RP1: variants seen among roughly 807,000 people sequenced by gnomAD.
RP1 encodes oxygen-regulated protein 1.
In RP1, 16 loss-of-function variants were observed where a neutral mutation model predicts 14.8. That is an observed-to-expected ratio of 1.08 (90% CI 0.73 to 1.65). The LOEUF is 1.65. Ranked by LOEUF, RP1 falls within the 40% of genes most tolerant of loss-of-function variation. The pLI, the probability that RP1 is intolerant of heterozygous loss-of-function variation, is 0.00. For synonymous variants in RP1, 876 were observed against 883.6 expected, an observed-to-expected ratio of 0.99 and a Z score of 0.15; for missense variants, 2,631 against 2,535.0, an observed-to-expected ratio of 1.04 and a Z score of -0.81.
chr8:54,748,859 T>C (rs2129363312), intron 19 of RP1, among the ~76,000 whole-genome samples: 1 of 152,310 alleles, frequency 6.6e-6, no homozygotes, highest in Non-Finnish European at 1.5e-5. Flanking sequence ...TTTTGTTTTA[T>C]AGAACAAAGG....
intron 22 of RP1, among the ~76,000 whole-genome samples, chr8:54,766,002 A>AGGAAGGAAG (rs1357520623): frequency 3.3e-5 from 5 of 152,124 alleles, no homozygotes; most frequent in Admixed American, 2.0e-4. Flanking sequence ...GAATGGGGAA[A>AGGAAGGAAG]GGAAGGAAGG....
chr8:54,587,442 A>AG (rs1554516913), intron 1 of RP1, among the ~76,000 whole-genome samples: 12 of 151,316 alleles, frequency 7.9e-5, no homozygotes, highest in South Asian at 2.1e-4. Context: ...AAAAAAAAAA[A>AG]AGAGAGAGAG....
Position 54,630,212 on chromosome 8 carries a change from A to G in RP1, c.6330A>G (p.Gln2110=), listed in dbSNP as rs2129318660. 1.2e-6 allele frequency: 2 copies of G among 1,613,726 alleles called. No homozygotes were observed. Among genetic ancestry groups the G allele is most frequent in the East Asian group, 4.5e-5 (2 of 44,834 alleles). Reference sequence around the variant, plus strand: ...AAGCTTGCCTCTTAGATATTTGCCAAGTTGAGACCTCCTTAAATATTAGCA... The same window carrying G: ...AAGCTTGCCTCTTAGATATTTGCCAGGTTGAGACCTCCTTAAATATTAGCA... ...LGQACLLDIC[Q]VETSLNISNR... The change falls in exon 4 of 4, where the codon CAA becomes CAG. Residue 2110 remains glutamine, a synonymous_variant. Coordinates refer to ENST00000220676, the MANE Select transcript of RP1 (RefSeq NM_006269.2).
intron 25 of RP1, among the ~76,000 whole-genome samples, chr8:54,839,380 C>T (rs1030829177): frequency 2.0e-5 from 3 of 152,216 alleles, no homozygotes; most frequent in East Asian, 3.9e-4. Context: ...AAACACATGC[C>T]TACAAACAGG....
intron 1 of RP1, among the ~76,000 whole-genome samples, chr8:54,561,278 C>G (rs1337252349): frequency 4.6e-5 from 7 of 152,078 alleles, no homozygotes; most frequent in Non-Finnish European, 1.5e-5. Context: ...AAAAATATAC[C>G]ATGAAATCAT....
intron 22 of RP1, among the ~76,000 whole-genome samples, chr8:54,765,331 A>G (rs1440013801): frequency 6.6e-6 from 1 of 152,256 alleles, no homozygotes; most frequent in African/African-American, 2.4e-5. Context: ...GTACTCAGAA[A>G]GTGTGTGCTA....
chr8:54,622,328 T>TGAGATTTTTTTTGCCTC, intron 3 of RP1, 40 bp downstream of exon 3: 1 of 1,604,898 alleles, frequency 6.2e-7, no homozygotes, highest in African/African-American at 1.3e-5. Context: ...TTTTTAGCCC[T>TGAGATTTTTTTTGCCTC]GAGATTTTTT....
At chr8:54,562,622 C>T (rs926608138) in intron 1 of RP1, among the ~76,000 whole-genome samples, 4 of 151,596 alleles carry the variant, frequency 2.6e-5, no homozygotes, top group South Asian at 2.1e-4. Context: ...TGCAGTGAAC[C>T]GAGATGGTGC....
intron 19 of RP1, among the ~76,000 whole-genome samples, chr8:54,752,257 T>C (rs1809390431): frequency 6.6e-6 from 1 of 152,150 alleles, no homozygotes; most frequent in East Asian, 1.9e-4. Context: ...TTGAAATAAA[T>C]GTGAGCTATA....
intron 24 of RP1, among the ~76,000 whole-genome samples, chr8:54,831,948 A>G (rs1811540138): frequency 1.3e-5 from 2 of 151,766 alleles, no homozygotes; most frequent in Admixed American, 1.3e-4. Context: ...GACAATGTTC[A>G]TTTGTTCTTA....
chr8:54,814,638 C>T (rs558618901), intron 24 of RP1, among the ~76,000 whole-genome samples: 75 of 152,310 alleles, frequency 4.9e-4, no homozygotes, highest in African/African-American at 1.8e-3. Flanking sequence ...TCAAAGCTCT[C>T]TCTCAGGTGT....
At chr8:54,810,826 G>C (rs150987160) in intron 24 of RP1, among the ~76,000 whole-genome samples, 179 of 152,260 alleles carry the variant, frequency 1.2e-3, no homozygotes, top group African/African-American at 4.1e-3. Context: ...GGCATAAAAG[G>C]TGGCACCATT....
intron 12 of RP1, chr8:54,697,091 G>A (rs1377252328): frequency 2.5e-6 from 4 of 1,570,714 alleles, no homozygotes; most frequent in Non-Finnish European, 3.5e-6. Flanking sequence ...GGGCACACCT[G>A]GCTATCGGGG....
upstream of RP1, among the ~76,000 whole-genome samples, chr8:54,614,111 G>A (rs183522670): frequency 1.1e-3 from 161 of 152,350 alleles, 2 homozygotes; most frequent in Middle Eastern, 3.4e-3. Flanking sequence ...GGCCAGGGAA[G>A]TAGACAGAGG....
In RP1 at chr8:54,641,513, T is replaced by C. The variant is rs139369982; in HGVS notation, c.788-7472T>C. ...TTAATTAATTAGCTTCTCAACTTTT[T>C]TTTCTGTTATTGCCTCCTGCTAATG... is the stretch of plus-strand genomic sequence containing the variant. On this transcript the variant is annotated intron_variant, in intron 3 of 22. Transcript: ENST00000636932. 2.4e-4 allele frequency among the ~76,000 whole-genome samples: 37 copies of C among 152,284 alleles called. 1 individual carries two copies. The East Asian group carries it at 6.6e-3, about 27-fold the overall frequency.
chr8:54,723,594 T>G (rs2129351678), intron 16 of RP1, among the ~76,000 whole-genome samples: 1 of 152,332 alleles, frequency 6.6e-6, no homozygotes, highest in South Asian at 2.1e-4. Flanking sequence ...CCCCTTGGGC[T>G]TATGTGATTA....
chr8:54,646,853 A>G (rs1179642051), intron 3 of RP1, among the ~76,000 whole-genome samples: 1 of 152,178 alleles, frequency 6.6e-6, no homozygotes, highest in Admixed American at 6.5e-5. Flanking sequence ...CATTTCTAAG[A>G]CAGAAGTATG....
At chr8:54,615,387 C>T (rs867827543), upstream of RP1, among the ~76,000 whole-genome samples, 5 of 152,160 alleles carry the variant, frequency 3.3e-5, no homozygotes, top group Non-Finnish European at 7.4e-5. Flanking sequence ...AGGCAGGAAG[C>T]CCCGTAGGAA....
downstream of RP1, among the ~76,000 whole-genome samples, chr8:54,632,831 C>G (rs771507717): frequency 2.6e-5 from 4 of 151,902 alleles, no homozygotes; most frequent in Non-Finnish European, 5.9e-5. Context: ...GTAAGTGAAA[C>G]TTTAGAGGAA....
Sources: gnomAD v4.1 joint callset for allele counts (sites outside exome capture counted in the v4.1 genomes callset) on GRCh38, gnomAD v4.1.1 for gene constraint, MANE v1.5 for transcripts, NCBI Gene and HGNC (gene_info 2026-07-23, HGNC 2026-07-21) for gene names.